The following MAST3 variants were observed in gnomAD, a reference collection of about 807,000 sequenced individuals.
MAST3 encodes microtubule-associated serine/threonine-protein kinase 3.
In MAST3, 43 loss-of-function variants were observed where a neutral mutation model predicts 127.0. The observed-to-expected ratio is 0.34, with a 90% CI of 0.27 to 0.44. MAST3 has a LOEUF of 0.44. Ranked by LOEUF, MAST3 falls within the 20% of genes least tolerant of loss-of-function variation. The pLI, the probability that MAST3 is intolerant of heterozygous loss-of-function variation, is 1.00. For missense variants in MAST3, 1,390 were observed against 1,919.1 expected (o/e 0.72, Z 5.15); for synonymous variants, 785 against 809.2 (o/e 0.97, Z 0.51).
At chr19:18,122,110 C>T (rs1404454485) in intron 5 of MAST3, 188 bp downstream of exon 5, 1 of 985,218 alleles carries the variant, frequency 1.0e-6, no homozygotes, top group African/African-American at 1.7e-5. Flanking sequence ...CTTGCAGCCA[C>T]ATCCCACGCA....
rs2042817372 is a variant in MAST3 at position 18,144,354 on chromosome 19, G to A, written c.2585-112G>A. ...AGGAAGAGGGAACTGCATGAGCAAA[G>A]GCCAGGAGGCTGGACTGTGTAAATA... On this transcript the variant is annotated intron_variant, in intron 22 of 27. Coordinates refer to ENST00000687212, the MANE Select transcript of MAST3 (RefSeq NM_001393504.1). This position sits in a 1 kb window ranked among gnomAD's most constrained non-coding sequence, Gnocchi z 4.0. The A allele has an allele frequency of 3.2e-6, 3 of 944,826 alleles. No homozygotes were observed. Among genetic ancestry groups the A allele is most frequent in the Non-Finnish European group, 4.8e-6 (3 of 624,858 alleles). 58.5% of individuals were successfully genotyped at this position (944,826 alleles called of 1,614,324 possible).
intron 13 of MAST3, among the ~76,000 whole-genome samples, chr19:18,129,879 C>T (rs1266063649): frequency 6.7e-6 from 1 of 148,820 alleles, no homozygotes; most frequent in African/African-American, 2.5e-5. Flanking sequence ...GAGCCGAGAT[C>T]ACCCCACTGC....
At position 18,124,781 on chromosome 19, in the gene MAST3, C is replaced by A. The variant is rs769766510; in HGVS notation, c.1078+7C>A. 2 of 1,581,218 alleles carry A rather than the reference C, an allele frequency of 1.3e-6. No individual in the cohort carries two copies. Among genetic ancestry groups the A allele is most frequent in the Non-Finnish European group, 1.7e-6 (2 of 1,163,424 alleles). On this transcript the variant is annotated splice_region_variant and intron_variant, in intron 11 of 27. Transcript: ENST00000687212. ...GCCAAGGACCCCCTGGAGGGTAAGC[C>A]GGGATGGGAAGAGGAAACCAAGGCT...
chr19:18,105,063 G>A (rs902784558), intron 1 of MAST3, among the ~76,000 whole-genome samples: 5 of 152,124 alleles, frequency 3.3e-5, no homozygotes, highest in East Asian at 3.9e-4. Flanking sequence ...GGCATTTTGA[G>A]AATTTAATAA....
At chr19:18,124,415 T>C (rs756039340) in intron 10 of MAST3, 49 bp downstream of exon 10, 14 of 1,515,082 alleles carry the variant, frequency 9.2e-6, no homozygotes, top group South Asian at 4.8e-5. Flanking sequence ...AGAACTGAGA[T>C]TGGGACCACA....
At chr19:18,138,593 G>C (rs2042125688) in intron 19 of MAST3, among the ~76,000 whole-genome samples, 1 of 152,138 alleles carries the variant, frequency 6.6e-6, no homozygotes, top group Non-Finnish European at 1.5e-5. Flanking sequence ...TGCCTCCCGG[G>C]TTCAAGCGAT....
chr19:18,109,777 C>T (rs1301605347), intron 2 of MAST3, among the ~76,000 whole-genome samples: 1 of 152,054 alleles, frequency 6.6e-6, no homozygotes, highest in Non-Finnish European at 1.5e-5. Flanking sequence ...CTAGTGTGCG[C>T]GGGGATGCGG....
At position 18,121,606 on chromosome 19, in the gene MAST3, G is replaced by T; in HGVS notation, c.162-79G>T. ...CCCATCCTTCTCCAGAACGGGCTGC[G>T]AGTGTGATTTAGGCTGGGCAGGTGG... On this transcript the variant is annotated intron_variant, in intron 3 of 27. Coordinates refer to ENST00000687212, the MANE Select transcript of MAST3 (RefSeq NM_001393504.1). 3 of 1,208,930 alleles carry T rather than the reference G, an allele frequency of 2.5e-6. No homozygotes were observed. In the Admixed American group the frequency reaches 5.4e-5, roughly 22 times the overall value. The allele number at this position is 1,208,930 out of a possible 1,614,324, so 74.9% of individuals were successfully genotyped here. A position where few individuals can be genotyped will look rare whatever the true frequency, so the allele number is the denominator to read the frequency against.
At position 18,112,416 on chromosome 19, in the gene MAST3, C is replaced by T. The variant is rs1166045213; in HGVS notation, c.161+1675C>T. Among the ~76,000 whole-genome samples, 1 of 152,184 alleles carries T rather than the reference C, an allele frequency of 6.6e-6. No individual in the cohort carries two copies. The highest frequency in any genetic ancestry group is 6.5e-5 in the Admixed American group (1 of 15,272). ...GTGGTACCATCTTGGCTCACTGCAA[C>T]CTCCGCCTCCTAGGTTCAGGTGATT... is the stretch of plus-strand genomic sequence containing the variant. On this transcript the variant is annotated intron_variant, in intron 3 of 27. Transcript: ENST00000687212. The surrounding 1 kb of genome is among the most constrained non-coding windows in gnomAD (Gnocchi z 4.1).
At chr19:18,138,612 C>G (rs1050220883) in intron 19 of MAST3, among the ~76,000 whole-genome samples, 2 of 152,184 alleles carry the variant, frequency 1.3e-5, no homozygotes, top group Non-Finnish European at 1.5e-5. Context: ...ATTCTCCTGC[C>G]TCAGCCTCCC....
intron 17 of MAST3, among the ~76,000 whole-genome samples, chr19:18,135,420 G>C (rs1413838154): frequency 6.6e-6 from 1 of 152,108 alleles, no homozygotes; most frequent in African/African-American, 2.4e-5. Context: ...AGCTGAGATT[G>C]TGCCACTGCA....
At position 18,144,513 on chromosome 19, in the gene MAST3, G is replaced by C; in HGVS notation, c.2632G>C (p.Gly878Arg). 1 of 1,606,732 alleles carries C rather than the reference G, an allele frequency of 6.2e-7. No individual in the cohort carries two copies. Among genetic ancestry groups the C allele is most frequent in the Non-Finnish European group, 8.5e-7 (1 of 1,178,054 alleles). Residue 878 changes from glycine to arginine, a missense_variant, in exon 23 of 28, where the codon GGC (glycine) becomes CGC (arginine). This residue lies in a region of MAST3 where 816 missense variants were observed against 934.1 expected (regional missense o/e 0.87). Coordinates refer to ENST00000687212, the MANE Select transcript of MAST3 (RefSeq NM_001393504.1). The surrounding 1 kb of genome is among the most constrained non-coding windows in gnomAD (Gnocchi z 4.0). ...CGCCCGCCTACGGAGCAATAGCATCGGCGCCCGACACTCCACACCAAGGCC... is the reference window on the plus strand; with the variant it reads ...CGCCCGCCTACGGAGCAATAGCATCCGCGCCCGACACTCCACACCAAGGCC... ...SHARLRSNSIGARHSTPRPLD... is the reference protein window; with the variant it reads ...SHARLRSNSIRARHSTPRPLD...
chr19:18,120,895 A>G (rs1417518340), intron 3 of MAST3, among the ~76,000 whole-genome samples: 6 of 151,918 alleles, frequency 3.9e-5, no homozygotes, highest in African/African-American at 1.5e-4. Context: ...CTAATTTTGT[A>G]TTTTTAGTAC....
At chr19:18,131,864 G>GT (rs1444261061) in intron 14 of MAST3, 45 bp from the exon 15 acceptor site, 69 of 1,484,052 alleles carry the variant, frequency 4.6e-5, no homozygotes, top group Non-Finnish European at 6.0e-5. Flanking sequence ...CGGGCGGGGG[G>GT]CGGGGGTGCC....
At chr19:18,146,553 G>A (rs1013671317) in intron 25 of MAST3, among the ~76,000 whole-genome samples, 1 of 152,130 alleles carries the variant, frequency 6.6e-6, no homozygotes. Context: ...GGGCCATTAG[G>A]TGAGTGATTG....
chr19:18,120,027 G>A (rs954109109), intron 3 of MAST3, among the ~76,000 whole-genome samples: 10 of 152,154 alleles, frequency 6.6e-5, no homozygotes, highest in African/African-American at 2.2e-4. Flanking sequence ...GGACGGTGTC[G>A]CTCCCAACTT....
At chr19:18,131,863 G>A in intron 14 of MAST3, 46 bp from the exon 15 acceptor site, 2 of 1,487,352 alleles carry the variant, frequency 1.3e-6, no homozygotes, top group East Asian at 2.5e-5. Context: ...GCGGGCGGGG[G>A]GCGGGGGTGC....
intron 3 of MAST3, among the ~76,000 whole-genome samples, chr19:18,114,943 G>A (rs2039057073): frequency 6.6e-6 from 1 of 152,138 alleles, no homozygotes; most frequent in African/African-American, 2.4e-5. Flanking sequence ...ACTAAAAAGG[G>A]ACCGTTGAAC....
intron 10 of MAST3, 42 bp from the exon 11 acceptor site, chr19:18,124,600 G>T: frequency 6.5e-7 from 1 of 1,529,058 alleles, no homozygotes. Flanking sequence ...AGGCCTGCAG[G>T]TGGAACCAAG....
Sources: allele counts gnomAD v4.1 joint callset (sites outside exome capture counted in the v4.1 genomes callset), GRCh38; gene constraint gnomAD v4.1.1; regional missense constraint gnomAD v4.1.1; non-coding constraint Gnocchi (gnomAD v3.1); transcripts MANE v1.5; gene names NCBI Gene and HGNC (gene_info 2026-07-23, HGNC 2026-07-21).